TOGARAM2: variants seen among roughly 807,000 people sequenced by gnomAD.
TOGARAM2 encodes TOG array regulator of axonemal microtubules 2, also known as TOG array regulator of axonemal microtubules protein 2.
Under a neutral mutation model 93.3 loss-of-function variants are expected in TOGARAM2, and 85 were observed. The ratio of observed to expected loss-of-function variants is 0.91; its 90% CI spans 0.76 to 1.09. The LOEUF (loss-of-function observed/expected upper bound fraction) is 1.09, where lower values mean the gene tolerates loss of function less well. TOGARAM2 is among the 50% of genes least tolerant of loss of function. The pLI is 0.00. For missense variants in TOGARAM2, 1,277 were observed against 1,334.5 expected (o/e 0.96, Z 0.67); for synonymous variants, 593 against 552.8 (o/e 1.07, Z -1.02).
chr2:28,971,542 G>A (rs1430331453), intron 1 of TOGARAM2, among the ~76,000 whole-genome samples: 1 of 152,186 alleles, frequency 6.6e-6, no homozygotes, highest in African/African-American at 2.4e-5. Context: ...GAAAGGATTG[G>A]TGGGGGTGTG....
At chr2:29,038,908 G>T (rs925943776) in intron 18 of TOGARAM2, among the ~76,000 whole-genome samples, 4 of 152,300 alleles carry the variant, frequency 2.6e-5, no homozygotes, top group Middle Eastern at 3.4e-3. Flanking sequence ...CATCCATGTA[G>T]GTCAGAACTG....
At chr2:28,994,287 G>A (rs1217278541) in intron 1 of TOGARAM2, among the ~76,000 whole-genome samples, 1 of 152,098 alleles carries the variant, frequency 6.6e-6, no homozygotes, top group East Asian at 1.9e-4. Context: ...TGGAGAACTG[G>A]TGTCCGAGAG....
In TOGARAM2 at chr2:29,011,437, C is replaced by T. The variant is rs531422174; in HGVS notation, c.831-18C>T. ...TGGCCATCCCTCATGATGCTTTTCT[C>T]TCCCCCGTTCTTTTAAGATTGGCTC... On this transcript the variant is annotated intron_variant, in intron 6 of 19. Transcript: ENST00000379558. 6.9e-5 allele frequency: 111 copies of T among 1,609,812 alleles called. No individual in the cohort carries two copies. Among genetic ancestry groups the T allele is most frequent in the Non-Finnish European group, 9.3e-5 (110 of 1,178,208 alleles).
intron 9 of TOGARAM2, 113 bp from the exon 10 acceptor site, chr2:29,017,679 G>A: frequency 9.4e-7 from 1 of 1,059,686 alleles, no homozygotes; most frequent in Non-Finnish European, 1.3e-6. Context: ...CCAACATGTT[G>A]GGGGTACTGG....
chr2:28,966,354 G>A (rs1671866821), intron 1 of TOGARAM2, among the ~76,000 whole-genome samples: 1 of 152,062 alleles, frequency 6.6e-6, no homozygotes, highest in African/African-American at 2.4e-5. Flanking sequence ...CTGGAGTTCA[G>A]TGGTGTGATC....
At chr2:28,989,046 G>A (rs1262320720) in intron 1 of TOGARAM2, among the ~76,000 whole-genome samples, 1 of 152,076 alleles carries the variant, frequency 6.6e-6, no homozygotes, top group Non-Finnish European at 1.5e-5. Context: ...CTTGTGGTCA[G>A]GTTTTTGTAT....
At chr2:28,997,368 C>T (rs576491101) in intron 2 of TOGARAM2, among the ~76,000 whole-genome samples, 5 of 152,342 alleles carry the variant, frequency 3.3e-5, no homozygotes, top group Admixed American at 3.3e-4. Context: ...TGTATGCTCT[C>T]AGCTCAGTGG....
At chr2:29,050,630 A>ATCC (rs1667008622) in intron 19 of TOGARAM2, 1 of 152,168 alleles carries the variant, frequency 6.6e-6, no homozygotes, top group Non-Finnish European at 1.5e-5. Flanking sequence ...TTTCCAGGAT[A>ATCC]TGGAAACTGT....
chr2:29,008,153 A>G (rs1664002850), intron 6 of TOGARAM2, among the ~76,000 whole-genome samples: 2 of 151,560 alleles, frequency 1.3e-5, no homozygotes, highest in South Asian at 2.1e-4. Context: ...TTTATTTTTT[A>G]TTGTTATTAT....
chr2:29,012,799 C>G (rs1295047856), intron 7 of TOGARAM2, among the ~76,000 whole-genome samples: 2 of 152,236 alleles, frequency 1.3e-5, no homozygotes, highest in African/African-American at 4.8e-5. Flanking sequence ...TTGTCTGAAG[C>G]TGGGGGCTTC....
Position 29,026,857 on chromosome 2 carries a change from C to T in TOGARAM2, c.1858C>T (p.Arg620Trp), listed in dbSNP as rs201189267. ...TGGGCCATGATTTCCTTTCAGCCAC[C>T]GGAACCCCTTGATCCGGAAATACGC... ...VVLTSAGVYH[R>W]NPLIRKYAAE... The change falls in exon 14 of 20, where the codon CGG becomes TGG. Residue 620 changes from arginine (R) to tryptophan (W), a missense_variant. By Grantham distance (101) the Arg-to-Trp change is moderately radical (BLOSUM62 -3). Coordinates refer to ENST00000379558, the MANE Select transcript of TOGARAM2 (RefSeq NM_199280.4). 4.9e-5 allele frequency: 78 copies of T among 1,586,480 alleles called. No homozygotes were observed. Among genetic ancestry groups the T allele is most frequent in the East Asian group, 2.3e-4 (10 of 43,680 alleles).
In TOGARAM2 at chr2:29,052,046, C is replaced by A; in HGVS notation, c.3013C>A (p.Pro1005Thr). The A allele has an allele frequency of 6.3e-7, 1 of 1,599,682 alleles. No homozygotes were observed. Among genetic ancestry groups the A allele is most frequent in the Non-Finnish European group, 8.5e-7 (1 of 1,172,602 alleles). The stretch of plus-strand genomic sequence containing the variant: ...CAAGGCCACTGACAGAGGGGTGGCC[C>A]CTGACAGCAAGACAACTGGCAGCTC... The part of the protein sequence containing the change: ...SRKATDRGVA[P>T]DSKTTGSSYP... The change falls in exon 20 of 20, where the codon CCT becomes ACT. Residue 1005 changes from proline (P) to threonine (T), a missense_variant. By Grantham distance (38) the Pro-to-Thr change is conservative. Coordinates refer to ENST00000379558, the MANE Select transcript of TOGARAM2 (RefSeq NM_199280.4).
upstream of TOGARAM2, among the ~76,000 whole-genome samples, chr2:28,981,066 C>G (rs4589707): frequency 0.16 from 25,064 of 152,152 alleles, 2,196 homozygotes; most frequent in South Asian, 0.24. Context: ...CCAACAACAT[C>G]CCTGCACCAA....
At position 29,011,344 on chromosome 2, in the gene TOGARAM2, T is replaced by G. The variant is rs1664233146; in HGVS notation, c.831-111T>G. The G allele has an allele frequency of 5.8e-6, 5 of 869,326 alleles. 1 individual carries two copies. Among genetic ancestry groups the G allele is most frequent in the Non-Finnish European group, 9.1e-6 (5 of 551,290 alleles). The allele number at this position is 869,326 out of a possible 1,614,324, so 53.9% of individuals were successfully genotyped here. ...CTGCAGGGATAACAGTGCCGTCCCC[T>G]CTGTCCCCCATCTCGGCCATTGCCC... On this transcript the variant is annotated intron_variant, in intron 6 of 19. Coordinates refer to ENST00000379558, the MANE Select transcript of TOGARAM2 (RefSeq NM_199280.4).
At chr2:29,021,250 C>A (rs1450412734) in intron 10 of TOGARAM2, among the ~76,000 whole-genome samples, 2 of 152,212 alleles carry the variant, frequency 1.3e-5, no homozygotes, top group African/African-American at 2.4e-5. Flanking sequence ...CCTCTCCACT[C>A]AGACTTGCCT....
chr2:29,010,543 C>T (rs549748666), intron 6 of TOGARAM2, among the ~76,000 whole-genome samples: 18 of 152,204 alleles, frequency 1.2e-4, no homozygotes, highest in African/African-American at 2.9e-4. Flanking sequence ...GCTGTCCTAC[C>T]GCCCCTCCTG....
At chr2:29,005,282 ATGTG>A (rs1350046848) in intron 6 of TOGARAM2, among the ~76,000 whole-genome samples, 2 of 112,720 alleles carry the variant, frequency 1.8e-5, no homozygotes, top group South Asian at 3.3e-4. Flanking sequence ...GTGTGTGCAT[ATGTG>A]TGTGTGTGCA....
At chr2:29,004,826 T>A (rs1673537904) in intron 6 of TOGARAM2, among the ~76,000 whole-genome samples, 2 of 151,224 alleles carry the variant, frequency 1.3e-5, no homozygotes. Context: ...AGTATGTGTG[T>A]GCATGTATGT....
chr2:29,010,063 G>T (rs566375914), intron 6 of TOGARAM2, among the ~76,000 whole-genome samples: 1 of 151,860 alleles, frequency 6.6e-6, no homozygotes, highest in Middle Eastern at 3.4e-3. Context: ...GTGTTGGGGG[G>T]GCGCAGAGCG....
Sources: allele counts gnomAD v4.1 joint callset (sites outside exome capture counted in the v4.1 genomes callset), GRCh38; gene constraint gnomAD v4.1.1; transcripts MANE v1.5; gene names NCBI Gene and HGNC (gene_info 2026-07-23, HGNC 2026-07-21).